Variants in GDAP1 observed in about 807,000 individuals in gnomAD.
GDAP1 encodes ganglioside induced differentiation associated protein 1, also known as ganglioside-induced differentiation-associated protein 1.
Under a neutral mutation model 40.1 loss-of-function variants are expected in GDAP1, and 34 were observed. The observed-to-expected ratio is 0.85, with a 90% CI of 0.64 to 1.13. The LOEUF (loss-of-function observed/expected upper bound fraction) is 1.13. GDAP1 is among the 50% of genes most tolerant of loss of function. The pLI, the probability that GDAP1 is intolerant of heterozygous loss-of-function variation, is 0.00. For missense variants in GDAP1, 374 were observed against 433.7 expected (o/e 0.86, Z 1.22); for synonymous variants, 170 against 157.4 (o/e 1.08, Z -0.60).
chr8:74,375,502 T>C (rs1484323823), intron 2 of GDAP1, among the ~76,000 whole-genome samples: 1 of 152,220 alleles, frequency 6.6e-6, no homozygotes, highest in Non-Finnish European at 1.5e-5. Flanking sequence ...CACAGTGTTA[T>C]TAACCACATT....
chr8:74,366,043 A>G lies in GDAP1; in HGVS notation c.*1676A>G. 1 of 449,560 alleles carries G rather than the reference A, an allele frequency of 2.2e-6. No homozygotes were observed. Among genetic ancestry groups the G allele is most frequent in the African/African-American group, 2.0e-5 (1 of 49,768 alleles). 27.8% of individuals were successfully genotyped at this position (449,560 alleles called of 1,614,324 possible). ...AAGAAATAAGAATTGGATTTTTATA[A>G]AAACCTCTGAAGGATATTTACCTAT... On this transcript the variant is annotated 3_prime_UTR_variant, in exon 6 of 6. Transcript: ENST00000220822.
intron 2 of GDAP1, among the ~76,000 whole-genome samples, chr8:74,410,525 G>A (rs1484531078): frequency 6.7e-6 from 1 of 150,254 alleles, no homozygotes; most frequent in African/African-American, 2.5e-5. Context: ...TTTAAAATGG[G>A]CTTTTTCTTT....
At chr8:74,398,534 C>A (rs937770262) in intron 2 of GDAP1, among the ~76,000 whole-genome samples, 1 of 152,142 alleles carries the variant, frequency 6.6e-6, no homozygotes, top group African/African-American at 2.4e-5. Context: ...ATTGAATACC[C>A]TTTATTTCCT....
At chr8:74,362,610 C>T (rs1199657915) in intron 4 of GDAP1, among the ~76,000 whole-genome samples, 4 of 152,090 alleles carry the variant, frequency 2.6e-5, no homozygotes, top group Admixed American at 6.5e-5. Flanking sequence ...CTTTCAATTA[C>T]GGCTGCTAGA....
intron 2 of GDAP1, among the ~76,000 whole-genome samples, chr8:74,354,721 A>G (rs1056005474): frequency 6.6e-6 from 1 of 152,226 alleles, no homozygotes; most frequent in African/African-American, 2.4e-5. Context: ...AGGTTCTTTG[A>G]AAACTGTAAA....
At chr8:74,360,380 T>C (rs1483638854) in intron 3 of GDAP1, 70 bp downstream of exon 3, 21 of 1,250,096 alleles carry the variant, frequency 1.7e-5, no homozygotes, top group East Asian at 1.2e-4. Flanking sequence ...AGACCTAGCA[T>C]GTCTCATGGT....
At chr8:74,393,149 G>A (rs934742352) in intron 2 of GDAP1, among the ~76,000 whole-genome samples, 2 of 152,048 alleles carry the variant, frequency 1.3e-5, no homozygotes, top group Non-Finnish European at 2.9e-5. Flanking sequence ...ATAACAATGA[G>A]AATTTATTAT....
intron 2 of GDAP1, among the ~76,000 whole-genome samples, chr8:74,481,039 A>G (rs962510936): frequency 1.3e-5 from 2 of 152,218 alleles, no homozygotes; most frequent in Non-Finnish European, 2.9e-5. Flanking sequence ...TACTTTATGT[A>G]TTTTAAATGA....
chr8:74,436,942 A>C (rs1306109071), intron 2 of GDAP1, among the ~76,000 whole-genome samples: 1 of 152,190 alleles, frequency 6.6e-6, no homozygotes, highest in African/African-American at 2.4e-5. Flanking sequence ...GAATATGCCT[A>C]GGCTTGGAGT....
chr8:74,387,155 A>G (rs777158728), intron 2 of GDAP1, among the ~76,000 whole-genome samples: 1 of 152,188 alleles, frequency 6.6e-6, no homozygotes, highest in African/African-American at 2.4e-5. Flanking sequence ...CTCTCTCCCT[A>G]TTTGAATACC....
chr8:74,367,098 C>CAAA (rs71563287), downstream of GDAP1: 46,916 of 139,872 alleles, frequency 0.34, 8,413 homozygotes, highest in Middle Eastern at 0.43. Flanking sequence ...ACTGATCTCT[C>CAAA]AAAAAAAAAA....
chr8:74,413,104 T>C (rs1168369622), intron 2 of GDAP1, among the ~76,000 whole-genome samples: 2 of 137,000 alleles, frequency 1.5e-5, no homozygotes, highest in Non-Finnish European at 3.1e-5. Flanking sequence ...CTGAAGCCTC[T>C]GTATACATTA....
chr8:74,363,997 A>G lies in GDAP1; in HGVS notation c.707A>G (p.Gln236Arg). 1.2e-6 allele frequency: 2 copies of G among 1,614,088 alleles called. No individual in the cohort carries two copies. Among genetic ancestry groups the G allele is most frequent in the Non-Finnish European group, 1.7e-6 (2 of 1,179,954 alleles). ...RNEETPEEGQ[Q>R]PWLCGESFTL... ...TTTCTCTAATTAGAAGAGGGCCAGC[A>G]ACCTTGGCTCTGCGGTGAATCCTTC... Residue 236 changes from glutamine to arginine, a missense_variant, in exon 6 of 6, where the codon CAA (glutamine) becomes CGA (arginine). Gln to Arg is a conservative substitution (Grantham distance 43). Coordinates refer to ENST00000220822, the MANE Select transcript of GDAP1 (RefSeq NM_018972.4).
intron 2 of GDAP1, among the ~76,000 whole-genome samples, chr8:74,448,037 A>G (rs1044140320): frequency 6.6e-6 from 1 of 152,212 alleles, no homozygotes; most frequent in Non-Finnish European, 1.5e-5. Flanking sequence ...TACCTGGTGG[A>G]GGAAAACATT....
chr8:74,487,145 G>T (rs1469823459), intron 2 of GDAP1, among the ~76,000 whole-genome samples: 1 of 152,062 alleles, frequency 6.6e-6, no homozygotes. Flanking sequence ...CTTGATTAAT[G>T]TTAGCTTTAT....
At chr8:74,360,374 C>A in intron 3 of GDAP1, 64 bp downstream of exon 3, 2 of 1,311,002 alleles carry the variant, frequency 1.5e-6, no homozygotes, top group Non-Finnish European at 2.2e-6. Flanking sequence ...ATTTTGAGAC[C>A]TAGCATGTCT....
intron 2 of GDAP1, among the ~76,000 whole-genome samples, chr8:74,354,678 A>G (rs1809021683): frequency 6.6e-6 from 1 of 152,240 alleles, no homozygotes; most frequent in Admixed American, 6.5e-5. Flanking sequence ...ATAGTAAGTT[A>G]CCAATGTTAA....
intron 2 of GDAP1, among the ~76,000 whole-genome samples, chr8:74,355,219 A>C (rs1245560739): frequency 6.6e-6 from 1 of 152,078 alleles, no homozygotes; most frequent in Non-Finnish European, 1.5e-5. Context: ...TATAGACATG[A>C]ATGATGCTCC....
chr8:74,399,155 T>G (rs1451124132), intron 2 of GDAP1, among the ~76,000 whole-genome samples: 1 of 152,086 alleles, frequency 6.6e-6, no homozygotes, highest in Non-Finnish European at 1.5e-5. Context: ...TCTGGTTGAA[T>G]TCGGCTGTCA....
Sources: gnomAD v4.1 joint callset for allele counts (sites outside exome capture counted in the v4.1 genomes callset) on GRCh38, gnomAD v4.1.1 for gene constraint, MANE v1.5 for transcripts, NCBI Gene and HGNC (gene_info 2026-07-23, HGNC 2026-07-21) for gene names.